The following MFHAS1 variants were observed in gnomAD, a reference collection of about 807,000 sequenced individuals.
MFHAS1 encodes the protein malignant fibrous histiocytoma-amplified sequence 1.
Under a neutral mutation model 70.4 loss-of-function variants are expected in MFHAS1, and 50 were observed. That is an observed-to-expected ratio of 0.71 (90% CI 0.57 to 0.90). The LOEUF (loss-of-function observed/expected upper bound fraction) is 0.90, where lower values mean the gene tolerates loss of function less well. Ranked by LOEUF, MFHAS1 falls within the 40% of genes least tolerant of loss-of-function variation. The pLI is 0.00. For missense variants in MFHAS1, 1,795 were observed against 1,347.6 expected, an observed-to-expected ratio of 1.33 and a Z score of -5.20; for synonymous variants, 952 against 620.0, an observed-to-expected ratio of 1.54 and a Z score of -7.96.
chr8:8,875,386 A>T (rs967160927), intron 1 of MFHAS1, among the ~76,000 whole-genome samples: 2 of 152,224 alleles, frequency 1.3e-5, no homozygotes, highest in African/African-American at 4.8e-5. Flanking sequence ...AGCATTTTTA[A>T]TTACTGTATA....
intron 1 of MFHAS1, among the ~76,000 whole-genome samples, chr8:8,808,817 C>G (rs78565961): frequency 6.6e-6 from 1 of 152,060 alleles, no homozygotes; most frequent in Non-Finnish European, 1.5e-5. Flanking sequence ...CAGTAGGGTA[C>G]TTGGAAAGCA....
chr8:8,893,198 C>T lies in MFHAS1; in HGVS notation c.-140G>A. Reference sequence around the variant, plus strand: ...CGGCGGCCGCGGGTCCTAGCGCAGCCAGCGGCCGAGCGCTGGCGGCTAGGG... The same window carrying T: ...CGGCGGCCGCGGGTCCTAGCGCAGCTAGCGGCCGAGCGCTGGCGGCTAGGG... On this transcript the variant is annotated 5_prime_UTR_variant, in exon 1 of 3. Coordinates refer to ENST00000276282, the MANE Select transcript of MFHAS1 (RefSeq NM_004225.3). 1 of 346,154 alleles carries T rather than the reference C, an allele frequency of 2.9e-6. No homozygotes were observed. The highest frequency in any genetic ancestry group is 4.6e-6 in the Non-Finnish European group (1 of 219,576). 21.4% of individuals were successfully genotyped at this position (346,154 alleles called of 1,614,324 possible).
intron 1 of MFHAS1, among the ~76,000 whole-genome samples, chr8:8,848,124 G>T (rs554266140): frequency 6.6e-6 from 1 of 152,320 alleles, no homozygotes; most frequent in African/African-American, 2.4e-5. Flanking sequence ...AGCCCGCCCA[G>T]GGCTGCACTG....
chr8:8,854,612 G>C (rs1808364735), intron 1 of MFHAS1, among the ~76,000 whole-genome samples: 1 of 151,734 alleles, frequency 6.6e-6, no homozygotes, highest in South Asian at 2.1e-4. Flanking sequence ...TTGAACCTTG[G>C]AGGTGGAGGT....
chr8:8,802,699 G>A (rs1806123096), intron 1 of MFHAS1, among the ~76,000 whole-genome samples: 1 of 152,212 alleles, frequency 6.6e-6, no homozygotes, highest in Admixed American at 6.5e-5. Context: ...TCCATGATCA[G>A]CTGGCCAAAG....
At chr8:8,862,590 G>A (rs1043908973) in intron 1 of MFHAS1, among the ~76,000 whole-genome samples, 17 of 152,024 alleles carry the variant, frequency 1.1e-4, no homozygotes, top group African/African-American at 3.9e-4. Context: ...TGATGAACAG[G>A]CAGAGCTCAG....
intron 1 of MFHAS1, among the ~76,000 whole-genome samples, chr8:8,828,344 A>G (rs1039916): frequency 0.51 from 76,988 of 152,076 alleles, 20,278 homozygotes; most frequent in East Asian, 0.85. Context: ...AAAGCCATCA[A>G]ATACAGAAGA....
chr8:8,795,675 A>G (rs773486600), intron 2 of MFHAS1, among the ~76,000 whole-genome samples: 3 of 152,224 alleles, frequency 2.0e-5, no homozygotes, highest in Non-Finnish European at 2.9e-5. Context: ...GCAGCTAATG[A>G]GTAAGAATGC....
At chr8:8,854,998 C>T (rs1178893000) in intron 1 of MFHAS1, among the ~76,000 whole-genome samples, 2 of 152,186 alleles carry the variant, frequency 1.3e-5, no homozygotes, top group Admixed American at 1.3e-4. Flanking sequence ...CAGCCTCCAT[C>T]TCCTGGGCTC....
rs1809967959 is a variant in MFHAS1 at position 8,890,675 on chromosome 8, T to A, written c.2384A>T (p.His795Leu). 3 of 1,613,354 alleles carry A rather than the reference T, an allele frequency of 1.9e-6. No homozygotes were observed. The South Asian group carries it at 3.3e-5, about 18-fold the overall frequency. ...AATGACATGAGCTGGCAAGAGCCCA[T>A]GCAACAGAAAGCCCTCCACATACTG... ...LHQYVEGFLLHGLLPAHVIRL... is the reference protein window; with the variant it reads ...LHQYVEGFLLLGLLPAHVIRL... Residue 795 changes from histidine (H) to leucine (L), a missense_variant, in exon 1 of 3, where the codon CAT becomes CTT. Coordinates refer to ENST00000276282, the MANE Select transcript of MFHAS1 (RefSeq NM_004225.3).
chr8:8,866,999 T>G (rs1218430277), intron 1 of MFHAS1, among the ~76,000 whole-genome samples: 2 of 152,054 alleles, frequency 1.3e-5, no homozygotes, highest in Non-Finnish European at 2.9e-5. Context: ...AATGTGAAGG[T>G]GACAGTGGGA....
chr8:8,847,032 A>T (rs1333723160), intron 1 of MFHAS1, among the ~76,000 whole-genome samples: 1 of 152,174 alleles, frequency 6.6e-6, no homozygotes, highest in Non-Finnish European at 1.5e-5. Context: ...GAATTCCAAC[A>T]TCCCTCCTCC....
chr8:8,858,423 T>C (rs1270232823), intron 1 of MFHAS1, among the ~76,000 whole-genome samples: 1 of 152,112 alleles, frequency 6.6e-6, no homozygotes, highest in Non-Finnish European at 1.5e-5. Flanking sequence ...TAAAATTATA[T>C]TAAATGGCCC....
chr8:8,870,074 C>A (rs530248580), intron 1 of MFHAS1, among the ~76,000 whole-genome samples: 1 of 152,244 alleles, frequency 6.6e-6, no homozygotes, highest in East Asian at 1.9e-4. Flanking sequence ...CTGAAAAAAA[C>A]CATCAGGCTT....
chr8:8,865,489 C>T (rs59071385), intron 1 of MFHAS1, among the ~76,000 whole-genome samples: 7,319 of 152,088 alleles, frequency 0.048, 543 homozygotes, highest in African/African-American at 0.16. Flanking sequence ...ACTACCCTAA[C>T]TCGATGAAAG....
chr8:8,830,047 G>T (rs1415098622), intron 1 of MFHAS1, among the ~76,000 whole-genome samples: 1 of 152,132 alleles, frequency 6.6e-6, no homozygotes, highest in Admixed American at 6.5e-5. Flanking sequence ...CCCAGGGGAG[G>T]TCGAAGCTGC....
At chr8:8,849,406 T>G (rs952252679) in intron 1 of MFHAS1, among the ~76,000 whole-genome samples, 1 of 152,184 alleles carries the variant, frequency 6.6e-6, no homozygotes, top group Non-Finnish European at 1.5e-5. Context: ...CTGAAAGCCT[T>G]GCAGAAAGTA....
chr8:8,842,501 T>G (rs1807870908), intron 1 of MFHAS1, among the ~76,000 whole-genome samples: 1 of 152,192 alleles, frequency 6.6e-6, no homozygotes. Context: ...ACGTCTGATT[T>G]TGAATGCTAA....
At chr8:8,817,330 T>C (rs1422284194) in intron 1 of MFHAS1, among the ~76,000 whole-genome samples, 3 of 152,246 alleles carry the variant, frequency 2.0e-5, no homozygotes, top group Non-Finnish European at 4.4e-5. Flanking sequence ...AAGCTCTTTG[T>C]TAATTGACGT....
Sources: allele counts gnomAD v4.1 joint callset (sites outside exome capture counted in the v4.1 genomes callset), GRCh38; gene constraint gnomAD v4.1.1; transcripts MANE v1.5; gene names NCBI Gene and HGNC (gene_info 2026-07-23, HGNC 2026-07-21).